Variants in TUSC3 observed in about 807,000 individuals in gnomAD.
TUSC3 encodes the protein tumor suppressor candidate 3.
Under a neutral mutation model 44.8 loss-of-function variants are expected in TUSC3, and 45 were observed. The observed-to-expected ratio is 1.00, with a 90% CI of 0.79 to 1.29. TUSC3 has a LOEUF of 1.29. Among genes scored for constraint, TUSC3 ranks in the 50% most tolerant of loss-of-function variants. The pLI is 0.00. For synonymous variants in TUSC3, 212 were observed against 152.9 expected, an observed-to-expected ratio of 1.39 and a Z score of -2.85; for missense variants, 519 against 437.9, an observed-to-expected ratio of 1.19 and a Z score of -1.65.
chr8:15,850,806 G>A, the TUSC3 span, among the ~76,000 whole-genome samples: 1 of 152,104 alleles, frequency 6.6e-6, no homozygotes, highest in Non-Finnish European at 1.5e-5. Flanking sequence ...TATATATTGT[G>A]AACAACATAA....
At chr8:15,683,428 A>C (rs571559126) in intron 6 of TUSC3, among the ~76,000 whole-genome samples, 1 of 152,116 alleles carries the variant, frequency 6.6e-6, no homozygotes, top group Non-Finnish European at 1.5e-5. Flanking sequence ...TGCTTGATCT[A>C]GTCTATTGTT....
At chr8:15,544,581 T>C (rs1335503677) in intron 1 of TUSC3, among the ~76,000 whole-genome samples, 2 of 151,850 alleles carry the variant, frequency 1.3e-5, no homozygotes, top group African/African-American at 4.8e-5. Flanking sequence ...CATTAATGTT[T>C]TTAAGTACAT....
chr8:15,822,552 G>A, the TUSC3 span, among the ~76,000 whole-genome samples: 1 of 152,084 alleles, frequency 6.6e-6, no homozygotes, highest in Admixed American at 6.6e-5. Flanking sequence ...GATGCTGCTG[G>A]TCTGAGGACC....
the TUSC3 span, among the ~76,000 whole-genome samples, chr8:15,830,427 T>C: frequency 3.3e-5 from 5 of 152,294 alleles, no homozygotes; most frequent in Admixed American, 3.3e-4. Context: ...GATCTTACAT[T>C]TATGTCTTTA....
At chr8:15,435,085 G>T (rs1005065189) in intron 1 of TUSC3, among the ~76,000 whole-genome samples, 1 of 148,874 alleles carries the variant, frequency 6.7e-6, no homozygotes, top group South Asian at 2.2e-4. Context: ...GGTATTTCTA[G>T]TTCTAGATCC....
chr8:15,582,046 T>C (rs1803377482), intron 1 of TUSC3, among the ~76,000 whole-genome samples: 1 of 152,078 alleles, frequency 6.6e-6, no homozygotes, highest in South Asian at 2.1e-4. Context: ...AAAAGCGCAA[T>C]ATTCGGGTGG....
intron 1 of TUSC3, among the ~76,000 whole-genome samples, chr8:15,467,648 A>G (rs1260780397): frequency 1.3e-5 from 2 of 152,160 alleles, no homozygotes; most frequent in East Asian, 1.9e-4. Context: ...ACTGCTGTCC[A>G]TGTGGCAAAC....
chr8:15,661,663 A>G (rs1026175862), intron 4 of TUSC3, among the ~76,000 whole-genome samples: 2 of 151,968 alleles, frequency 1.3e-5, no homozygotes, highest in African/African-American at 4.8e-5. Context: ...TAAGCTGTCT[A>G]TGTGGATATA....
At chr8:15,437,338 T>G (rs758468857) in intron 1 of TUSC3, among the ~76,000 whole-genome samples, 8 of 152,232 alleles carry the variant, frequency 5.3e-5, no homozygotes, top group Non-Finnish European at 1.2e-4. Flanking sequence ...TACATATCTC[T>G]GTTTACTACA....
At chr8:15,638,895 G>C (rs1585180746) in intron 2 of TUSC3, among the ~76,000 whole-genome samples, 1 of 152,130 alleles carries the variant, frequency 6.6e-6, no homozygotes, top group Non-Finnish European at 1.5e-5. Flanking sequence ...GATGTTCAGG[G>C]CTTCAGTGAT....
At chr8:15,762,813 C>T (rs1323883217) in intron 10 of TUSC3, among the ~76,000 whole-genome samples, 1 of 152,038 alleles carries the variant, frequency 6.6e-6, no homozygotes, top group Non-Finnish European at 1.5e-5. Context: ...ACAGCTGGCA[C>T]ATCTATCTGC....
At chr8:15,620,061 G>GAAAC (rs902493478) in intron 1 of TUSC3, among the ~76,000 whole-genome samples, 1 of 152,100 alleles carries the variant, frequency 6.6e-6, no homozygotes, top group Non-Finnish European at 1.5e-5. Context: ...GACTGTGTCA[G>GAAAC]AAACAAACAA....
chr8:15,776,856 G>A, the TUSC3 span, among the ~76,000 whole-genome samples: 1 of 152,026 alleles, frequency 6.6e-6, no homozygotes, highest in Non-Finnish European at 1.5e-5. Flanking sequence ...TTACTGTTAT[G>A]TGAAAGAAAC....
chr8:15,462,936 C>G (rs1373225206), intron 1 of TUSC3, among the ~76,000 whole-genome samples: 1 of 152,032 alleles, frequency 6.6e-6, no homozygotes, highest in African/African-American at 2.4e-5. Flanking sequence ...CAGGTGTAAA[C>G]TGTTAGTAAA....
At chr8:15,615,919 AC>A (rs1804968284) in intron 1 of TUSC3, among the ~76,000 whole-genome samples, 1 of 152,188 alleles carries the variant, frequency 6.6e-6, no homozygotes, top group Non-Finnish European at 1.5e-5. Flanking sequence ...CGTGGCTTGA[AC>A]TTGTGGACTC....
At chr8:15,443,628 A>T (rs1007935586) in intron 1 of TUSC3, among the ~76,000 whole-genome samples, 5 of 152,124 alleles carry the variant, frequency 3.3e-5, no homozygotes, top group Admixed American at 3.3e-4. Flanking sequence ...TTATAGTTTA[A>T]AACAAAGATG....
intron 1 of TUSC3, among the ~76,000 whole-genome samples, chr8:15,556,724 T>A (rs1802281873): frequency 6.9e-6 from 1 of 144,500 alleles, no homozygotes; most frequent in Non-Finnish European, 1.5e-5. Context: ...TATCTCATTG[T>A]GGTTTTGATT....
intron 5 of TUSC3, among the ~76,000 whole-genome samples, chr8:15,665,115 A>C (rs1045709958): frequency 2.0e-5 from 3 of 151,646 alleles, no homozygotes; most frequent in Non-Finnish European, 3.0e-5. Context: ...GTAAGGAAAA[A>C]AATGTATATT....
intron 1 of TUSC3, among the ~76,000 whole-genome samples, chr8:15,438,354 C>G (rs1165919173): frequency 6.6e-6 from 1 of 152,186 alleles, no homozygotes; most frequent in African/African-American, 2.4e-5. Flanking sequence ...CCTCGGCCCC[C>G]CAAAGTGCTG....
Sources: gnomAD v4.1 joint callset for allele counts (sites outside exome capture counted in the v4.1 genomes callset) on GRCh38, gnomAD v4.1.1 for gene constraint, MANE v1.5 for transcripts, NCBI Gene and HGNC (gene_info 2026-07-23, HGNC 2026-07-21) for gene names.